TENM4: variants seen among roughly 807,000 people sequenced by gnomAD.
TENM4 encodes teneurin transmembrane protein 4, also known as teneurin-4.
TENM4 carries 82 observed loss-of-function variants against 243.3 expected under a neutral mutation model. The ratio of observed to expected loss-of-function variants is 0.34; its 90% CI spans 0.28 to 0.40. The LOEUF (loss-of-function observed/expected upper bound fraction) is 0.40, where lower values mean the gene tolerates loss of function less well. Among genes scored for constraint, TENM4 ranks in the 10% least tolerant of loss-of-function variants. TENM4 has a pLI of 1.00. For missense variants in TENM4, 3,138 were observed against 3,673.3 expected, an observed-to-expected ratio of 0.85 and a Z score of 3.77; for synonymous variants, 1,412 against 1,456.3, an observed-to-expected ratio of 0.97 and a Z score of 0.69.
chr11:78,756,996 AG>A lies in TENM4; in HGVS notation c.2564del (p.Pro855LeufsTer55). On this transcript the variant is annotated frameshift_variant, in exon 19 of 34. Transcript: ENST00000278550. LOFTEE classifies it high-confidence loss of function. ...GGCACAGGGGCTGGAGGCAGCAGTC[AG>A]GGTCCATGCAGTCCACCAGGCCATC... ...DGDGLVDCMD[P>X]DCCLQPLCHI... 6.2e-7 allele frequency: 1 copy of A among 1,613,970 alleles called. No homozygotes were observed. Among genetic ancestry groups the A allele is most frequent in the Non-Finnish European group, 8.5e-7 (1 of 1,179,872 alleles).
intron 1 of TENM4, among the ~76,000 whole-genome samples, chr11:79,368,506 T>C (rs1857720370): frequency 6.6e-6 from 1 of 152,212 alleles, no homozygotes; most frequent in Non-Finnish European, 1.5e-5. Flanking sequence ...GACAGCCAGG[T>C]GTGGCTGAAA....
chr11:79,249,166 C>G (rs1410507404), intron 2 of TENM4, among the ~76,000 whole-genome samples: 1 of 152,118 alleles, frequency 6.6e-6, no homozygotes, highest in Admixed American at 6.5e-5. Flanking sequence ...TACTTACTAC[C>G]TACAGGGACT....
At chr11:78,702,837 T>C (rs1247229810) in intron 27 of TENM4, among the ~76,000 whole-genome samples, 1 of 152,120 alleles carries the variant, frequency 6.6e-6, no homozygotes, top group Non-Finnish European at 1.5e-5. Flanking sequence ...TGGCAGCTGA[T>C]GTTCTAAGAT....
chr11:78,759,575 A>C (rs972815560), intron 18 of TENM4, among the ~76,000 whole-genome samples: 4 of 152,318 alleles, frequency 2.6e-5, no homozygotes, highest in African/African-American at 9.6e-5. Context: ...TGGCACCTGG[A>C]AAGAGCTGCT....
chr11:79,375,933 T>C (rs951918692), intron 1 of TENM4, among the ~76,000 whole-genome samples: 2 of 152,206 alleles, frequency 1.3e-5, no homozygotes, highest in African/African-American at 2.4e-5. Flanking sequence ...AAAGCAGCTC[T>C]GCTTTCTATC....
intron 2 of TENM4, among the ~76,000 whole-genome samples, chr11:79,237,227 G>T (rs955582773): frequency 6.6e-6 from 1 of 152,042 alleles, no homozygotes. Context: ...AACATACATT[G>T]CGCCTTAAAG....
In TENM4 at chr11:78,726,069, A is replaced by T. The variant is rs751132163; in HGVS notation, c.3550+10T>A. 8 of 1,613,806 alleles carry T rather than the reference A, an allele frequency of 5.0e-6. No individual in the cohort carries two copies. The highest frequency in any genetic ancestry group is 6.8e-6 in the Non-Finnish European group (8 of 1,179,818). On this transcript the variant is annotated intron_variant, in intron 23 of 33. Transcript: ENST00000278550. ...CAGCCTGGTTCAAGTAATTCTATTA[A>T]TCCACTTACCACTTTGAATGTTGAG...
At chr11:79,427,489 A>C (rs551363380) in intron 1 of TENM4, among the ~76,000 whole-genome samples, 1 of 152,240 alleles carries the variant, frequency 6.6e-6, no homozygotes, top group Non-Finnish European at 1.5e-5. Flanking sequence ...TAAGGTTGCA[A>C]AACAATGTGT....
At chr11:79,062,826 G>A (rs1286843740) in intron 6 of TENM4, among the ~76,000 whole-genome samples, 1 of 152,176 alleles carries the variant, frequency 6.6e-6, no homozygotes, top group Non-Finnish European at 1.5e-5. Context: ...GCCCTGCACT[G>A]CCCTTCAATT....
intron 25 of TENM4, among the ~76,000 whole-genome samples, chr11:78,715,031 C>A (rs1468560124): frequency 1.3e-5 from 2 of 152,228 alleles, no homozygotes; most frequent in East Asian, 3.8e-4. Flanking sequence ...TAGCCCATGG[C>A]AGCCACTTGT....
rs1418233701 is a variant in TENM4 at position 78,657,500 on chromosome 11, G to C, written c.*558C>G. ...AGCCATCTATGATCCTCTGGAGGCA[G>C]AGAACAAGGTGAGAAGAAATCCACC... On this transcript the variant is annotated 3_prime_UTR_variant, in exon 34 of 34. Coordinates refer to ENST00000278550, the MANE Select transcript of TENM4 (RefSeq NM_001098816.3). The C allele has an allele frequency of 3.3e-6, 1 of 299,478 alleles. No homozygotes were observed. The highest frequency in any genetic ancestry group is 6.1e-6 in the Non-Finnish European group (1 of 163,312). 18.6% of individuals were successfully genotyped at this position (299,478 alleles called of 1,614,324 possible).
chr11:78,928,770 G>C (rs7105453), intron 6 of TENM4, among the ~76,000 whole-genome samples: 2,298 of 152,244 alleles, frequency 0.015, 65 homozygotes, highest in African/African-American at 0.053. Flanking sequence ...TGATTGGGTG[G>C]AGCAGGCTTT....
At chr11:79,044,926 A>T (rs188925044) in intron 6 of TENM4, among the ~76,000 whole-genome samples, 14 of 152,236 alleles carry the variant, frequency 9.2e-5, no homozygotes, top group African/African-American at 3.1e-4. Flanking sequence ...TTTTTAAAGT[A>T]TGTTTATTAT....
At chr11:79,012,022 C>T (rs1004292017) in intron 6 of TENM4, among the ~76,000 whole-genome samples, 8 of 152,310 alleles carry the variant, frequency 5.3e-5, no homozygotes, top group African/African-American at 1.4e-4. Context: ...GCCAAGTGGC[C>T]TGCTAGAACC....
At position 78,778,648 on chromosome 11, in the gene TENM4, G is replaced by T. The variant is rs116164638; in HGVS notation, c.2366-20C>A. On this transcript the variant is annotated intron_variant, in intron 16 of 33. Coordinates refer to ENST00000278550, the MANE Select transcript of TENM4 (RefSeq NM_001098816.3). ...AGTGAGCTAGGGAGATAAAAGACAG[G>T]ACATTTAAGGTAGGATCCAGTAAGT... is the stretch of plus-strand genomic sequence containing the variant. 1,946 of 1,610,520 alleles carry T rather than the reference G, an allele frequency of 1.2e-3. 14 individuals are homozygous for T. The African/African-American group carries it at 0.023, about 19-fold the overall frequency.
At chr11:79,428,024 G>A (rs1180649398) in intron 1 of TENM4, among the ~76,000 whole-genome samples, 1 of 152,182 alleles carries the variant, frequency 6.6e-6, no homozygotes, top group East Asian at 1.9e-4. Flanking sequence ...CTGGACCTAA[G>A]AAGACAGAAG....
intron 1 of TENM4, among the ~76,000 whole-genome samples, chr11:79,347,480 C>T (rs1477541681): frequency 6.6e-6 from 1 of 152,190 alleles, no homozygotes; most frequent in African/African-American, 2.4e-5. Flanking sequence ...CACTTTAGGG[C>T]CAGGGTTCTT....
At chr11:78,798,682 G>T (rs1287446565) in intron 15 of TENM4, among the ~76,000 whole-genome samples, 1 of 152,000 alleles carries the variant, frequency 6.6e-6, no homozygotes, top group African/African-American at 2.4e-5. Flanking sequence ...GGACTGAGCC[G>T]CGACTGTCCA....
At chr11:79,407,862 A>G (rs1858605917) in intron 1 of TENM4, among the ~76,000 whole-genome samples, 1 of 151,348 alleles carries the variant, frequency 6.6e-6, no homozygotes, top group Non-Finnish European at 1.5e-5. Context: ...CTCATTCAGT[A>G]GTTCTAGGGT....
Sources: allele counts gnomAD v4.1 joint callset (sites outside exome capture counted in the v4.1 genomes callset), GRCh38; gene constraint gnomAD v4.1.1; transcripts MANE v1.5; gene names NCBI Gene and HGNC (gene_info 2026-07-23, HGNC 2026-07-21).